The following HNRNPA2B1 variants were observed in gnomAD, a reference collection of about 807,000 sequenced individuals.
HNRNPA2B1 encodes the protein heterogeneous nuclear ribonucleoprotein A2/B1.
In HNRNPA2B1, 3 loss-of-function variants were observed where a neutral mutation model predicts 46.3. The observed-to-expected ratio is 0.06, with a 90% CI of 0.03 to 0.17. The LOEUF (loss-of-function observed/expected upper bound fraction) is 0.17. Ranked by LOEUF, HNRNPA2B1 falls within the 10% of genes least tolerant of loss-of-function variation. HNRNPA2B1 has a pLI of 1.00. For synonymous variants in HNRNPA2B1, 225 were observed against 133.8 expected (o/e 1.68, Z -4.70); for missense variants, 221 against 418.9 (o/e 0.53, Z 4.12).
intron 1 of HNRNPA2B1, 47 bp downstream of exon 1, chr7:26,200,525 G>A: frequency 2.5e-6 from 4 of 1,605,620 alleles, no homozygotes; most frequent in Non-Finnish European, 3.4e-6. Flanking sequence ...GGCGCCAACG[G>A]CCTCGCCATG....
At chr7:26,200,328 T>G in intron 1 of HNRNPA2B1, 2 of 566,308 alleles carry the variant, frequency 3.5e-6, no homozygotes, top group Non-Finnish European at 6.4e-6. Context: ...GCGTCCGCCA[T>G]GTGAAAGCTC....
rs1440388081 is a variant in HNRNPA2B1 at position 26,193,565 on chromosome 7, A to G, written c.841+10T>C. The G allele has an allele frequency of 6.3e-7, 1 of 1,575,070 alleles. No homozygotes were observed. Among genetic ancestry groups the G allele is most frequent in the Non-Finnish European group, 8.6e-7 (1 of 1,167,708 alleles). On this transcript the variant is annotated intron_variant, in intron 8 of 10. Transcript: ENST00000618183. ...AATTCCCACATAAAGGTTGCAGGTGAATTTATTACCTCCTCCATAGTTGTC... is the reference window on the plus strand; with the variant it reads ...AATTCCCACATAAAGGTTGCAGGTGGATTTATTACCTCCTCCATAGTTGTC...
Position 26,190,965 on chromosome 7 carries a change from T to C in HNRNPA2B1, c.*1395A>G, listed in dbSNP as rs1782846738. On this transcript the variant is annotated 3_prime_UTR_variant, in exon 11 of 11. Transcript: ENST00000618183. ...TAACGATGGGAAATCTCATGATTTA[T>C]TGAACTTGCAGCCTAACTTTTACCT... 6.6e-6 allele frequency: 1 copy of C among 152,626 alleles called. No individual in the cohort carries two copies. The highest frequency in any genetic ancestry group is 6.5e-5 in the Admixed American group (1 of 15,274). The allele number at this position is 152,626 out of a possible 1,614,324, so 9.5% of individuals were successfully genotyped here.
chr7:26,196,519 T>C (rs1783659245), intron 5 of HNRNPA2B1, 38 bp from the exon 6 acceptor site: 3 of 1,612,842 alleles, frequency 1.9e-6, no homozygotes, highest in South Asian at 1.1e-5. Flanking sequence ...AGCCCTTATA[T>C]ATGAACAAAA....
At position 26,197,459 on chromosome 7, in the gene HNRNPA2B1, T is replaced by C. The variant is rs1487239818; in HGVS notation, c.120A>G (p.Val40=). The part of the protein sequence containing the change: ...EQWGKLTDCV[V]MRDPASKRSR... The stretch of plus-strand genomic sequence containing the variant: ...ATCTTTTGCTTGCAGGATCCCTCAT[T>C]ACCTTTCAAACCAAAGGGTAAACTT... Residue 40 remains valine, a splice_region_variant and synonymous_variant, in exon 3 of 11, where the codon GTA becomes GTG. Transcript: ENST00000618183. The C allele has an allele frequency of 8.1e-6, 13 of 1,613,474 alleles. No individual in the cohort carries two copies. The highest frequency in any genetic ancestry group is 1.1e-5 in the Non-Finnish European group (13 of 1,179,778).
At chr7:26,199,465 A>G (rs1476225991) in intron 1 of HNRNPA2B1, 1 of 152,280 alleles carries the variant, frequency 6.6e-6, no homozygotes, top group Non-Finnish European at 1.5e-5. Context: ...AGTATAACTA[A>G]GGACAAAATC....
intron 1 of HNRNPA2B1, 101 bp downstream of exon 1, chr7:26,200,471 T>A: frequency 8.3e-7 from 1 of 1,210,470 alleles, no homozygotes. Flanking sequence ...TTGGTCCGAT[T>A]TCCTGCCTCT....
Sources: gnomAD v4.1 joint callset for allele counts on GRCh38, gnomAD v4.1.1 for gene constraint, MANE v1.5 for transcripts, NCBI Gene and HGNC (gene_info 2026-07-23, HGNC 2026-07-21) for gene names.